The following LINGO2 variants were observed in gnomAD, a reference collection of about 807,000 sequenced individuals.
The protein encoded by LINGO2 is leucine-rich repeat and immunoglobulin-like domain-containing nogo receptor-interacting protein 2.
Under a neutral mutation model 30.6 loss-of-function variants are expected in LINGO2, and 14 were observed. That is an observed-to-expected ratio of 0.46 (90% CI 0.30 to 0.72). The LOEUF is 0.72. Among genes scored for constraint, LINGO2 ranks in the 30% least tolerant of loss-of-function variants. The pLI is 0.07. For synonymous variants in LINGO2, 317 were observed against 288.5 expected (o/e 1.10, Z -1.00); for missense variants, 729 against 751.7 (o/e 0.97, Z 0.35).
chr9:27,946,056 C>T (rs1326543974), downstream of LINGO2, among the ~76,000 whole-genome samples: 1 of 152,114 alleles, frequency 6.6e-6, no homozygotes, highest in Non-Finnish European at 1.5e-5. Flanking sequence ...GAGTATTACT[C>T]TAGTCTGAAG....
intron 2 of LINGO2, among the ~76,000 whole-genome samples, chr9:28,426,758 C>T (rs1465231442): frequency 6.6e-6 from 1 of 151,968 alleles, no homozygotes; most frequent in African/African-American, 2.4e-5. Context: ...AGGGAAATTG[C>T]ATCGAGCATT....
At chr9:29,021,308 A>G in the LINGO2 span, among the ~76,000 whole-genome samples, 1 of 152,162 alleles carries the variant, frequency 6.6e-6, no homozygotes, top group African/African-American at 2.4e-5. Context: ...CTGTACACTC[A>G]TAGGTAAAAT....
At chr9:28,893,677 T>C in the LINGO2 span, among the ~76,000 whole-genome samples, 1 of 152,048 alleles carries the variant, frequency 6.6e-6, no homozygotes, top group Admixed American at 6.6e-5. Flanking sequence ...ATTAGTATGT[T>C]TCATATTTCT....
In LINGO2 at chr9:28,536,443, T is replaced by C. The variant is rs140668656; in HGVS notation, c.-364-60418A>G. Reference sequence around the variant, plus strand: ...CAAAAGTAAAATCACTGCAAAAATATAGCTGCCATTGTACATCTACTACTG... The same window carrying C: ...CAAAAGTAAAATCACTGCAAAAATACAGCTGCCATTGTACATCTACTACTG... On this transcript the variant is annotated intron_variant, in intron 1 of 5. Transcript: ENST00000379992. 5.7e-3 allele frequency among the ~76,000 whole-genome samples: 860 copies of C among 152,176 alleles called. 8 individuals are homozygous for C. The highest frequency in any genetic ancestry group is 0.02 in the African/African-American group (820 of 41,562).
intron 5 of LINGO2, among the ~76,000 whole-genome samples, chr9:27,983,514 G>A (rs777108686): frequency 2.6e-5 from 4 of 151,846 alleles, no homozygotes; most frequent in African/African-American, 9.7e-5. Flanking sequence ...TACCAGAGAT[G>A]CAAAAGCATA....
chr9:28,360,519 T>C (rs1820399865), intron 3 of LINGO2, among the ~76,000 whole-genome samples: 2 of 152,174 alleles, frequency 1.3e-5, no homozygotes, highest in South Asian at 4.1e-4. Flanking sequence ...AAGAAGCTGC[T>C]CTAAAACTCC....
At chr9:28,211,842 C>A (rs1405005833) in intron 4 of LINGO2, among the ~76,000 whole-genome samples, 1 of 151,236 alleles carries the variant, frequency 6.6e-6, no homozygotes, top group East Asian at 1.9e-4. Flanking sequence ...TCTTACTTTC[C>A]TTTTTCTCTC....
intron 4 of LINGO2, among the ~76,000 whole-genome samples, chr9:28,294,128 A>C (rs1823839836): frequency 6.6e-6 from 1 of 152,232 alleles, no homozygotes; most frequent in Non-Finnish European, 1.5e-5. Context: ...TATGCAAATA[A>C]GTCATTAGGG....
At chr9:28,067,137 T>C (rs1383966340) in intron 4 of LINGO2, among the ~76,000 whole-genome samples, 1 of 152,140 alleles carries the variant, frequency 6.6e-6, no homozygotes, top group Non-Finnish European at 1.5e-5. Flanking sequence ...ACATACCTTT[T>C]ATATTTACAA....
chr9:28,540,466 T>C (rs1043305481), intron 1 of LINGO2, among the ~76,000 whole-genome samples: 29 of 152,238 alleles, frequency 1.9e-4, no homozygotes, highest in African/African-American at 5.1e-4. Flanking sequence ...TTCATTATGT[T>C]GGCTAGGCTG....
chr9:28,147,203 A>C lies in LINGO2; in HGVS notation c.-86-134798T>G, dbSNP rs1358803581. ...TGCTAAGTACCCCAGGACTACAGGA[A>C]AAAATAAGAATAGATGTTGTATCCA... is the stretch of plus-strand genomic sequence containing the variant. On this transcript the variant is annotated intron_variant, in intron 4 of 5. Transcript: ENST00000379992. This position sits in a 1 kb window ranked among gnomAD's most constrained non-coding sequence, Gnocchi z 4.7. Among the ~76,000 whole-genome samples, 7 of 152,338 alleles carry C rather than the reference A, an allele frequency of 4.6e-5. No homozygotes were observed. The South Asian group carries it at 1.2e-3, about 27-fold the overall frequency.
At chr9:28,313,683 G>T (rs1427979679) in intron 3 of LINGO2, among the ~76,000 whole-genome samples, 1 of 152,102 alleles carries the variant, frequency 6.6e-6, no homozygotes, top group African/African-American at 2.4e-5. Context: ...GAAGAAAGTT[G>T]CTTCTCGAGT....
chr9:28,050,075 G>C (rs918118734), intron 4 of LINGO2, among the ~76,000 whole-genome samples: 9 of 150,708 alleles, frequency 6.0e-5, no homozygotes, highest in African/African-American at 2.0e-4. Context: ...TAAAAAGGTA[G>C]GGCTTTGTGA....
At chr9:28,906,262 A>G in the LINGO2 span, among the ~76,000 whole-genome samples, 1 of 151,918 alleles carries the variant, frequency 6.6e-6, no homozygotes, top group South Asian at 2.1e-4. Flanking sequence ...ATAACAATGT[A>G]TTATATTTAT....
At chr9:28,882,028 C>A in the LINGO2 span, among the ~76,000 whole-genome samples, 2 of 152,106 alleles carry the variant, frequency 1.3e-5, no homozygotes, top group Non-Finnish European at 2.9e-5. Flanking sequence ...ATCTGAAGCA[C>A]ACAGCGGACC....
the LINGO2 span, among the ~76,000 whole-genome samples, chr9:29,190,530 C>A: frequency 6.6e-6 from 1 of 151,946 alleles, no homozygotes; most frequent in African/African-American, 2.4e-5. Context: ...TTTCTGAAAA[C>A]AACTATTTTC....
the LINGO2 span, among the ~76,000 whole-genome samples, chr9:28,686,080 T>G: frequency 5.9e-5 from 9 of 152,034 alleles, 1 homozygote; most frequent in South Asian, 1.9e-3. Flanking sequence ...ACAGCTTTAT[T>G]TTCTTTCTTT....
the LINGO2 span, among the ~76,000 whole-genome samples, chr9:28,926,681 G>A: frequency 1.2e-4 from 18 of 152,216 alleles, no homozygotes; most frequent in South Asian, 6.2e-4. Flanking sequence ...TAATGTGTAC[G>A]TAAGTTACTG....
At chr9:28,402,584 T>C (rs1822318178) in intron 2 of LINGO2, among the ~76,000 whole-genome samples, 1 of 151,844 alleles carries the variant, frequency 6.6e-6, no homozygotes, top group East Asian at 1.9e-4. Context: ...TCCCTCTCCC[T>C]CCTTCCCTCC....
Sources: allele counts gnomAD v4.1 joint callset (sites outside exome capture counted in the v4.1 genomes callset), GRCh38; gene constraint gnomAD v4.1.1; non-coding constraint Gnocchi (gnomAD v3.1); transcripts MANE v1.5; gene names NCBI Gene and HGNC (gene_info 2026-07-23, HGNC 2026-07-21).